CETN3: variants seen among roughly 807,000 people sequenced by gnomAD.
The protein encoded by CETN3 is centrin 3.
A neutral mutation model predicts 20.1 loss-of-function variants in CETN3; 17 were observed. The observed-to-expected ratio is 0.85, with a 90% confidence interval of 0.58 to 1.27. The LOEUF is 1.27. CETN3 is among the 50% of genes most tolerant of loss of function. CETN3 has a pLI of 0.00. For synonymous variants in CETN3, 52 were observed against 59.7 expected (o/e 0.87, Z 0.59); for missense variants, 169 against 191.2 (o/e 0.88, Z 0.69).
chr5:90,407,837 A>G lies in CETN3; in HGVS notation c.18-3T>C, dbSNP rs1329267178. The G allele has an allele frequency of 1.2e-5, 19 of 1,567,014 alleles. No individual in the cohort carries two copies. The highest frequency in any genetic ancestry group is 2.0e-5 in the Admixed American group (1 of 50,998). On this transcript the variant is annotated splice_region_variant and splice_polypyrimidine_tract_variant and intron_variant, in intron 1 of 4. Transcript: ENST00000283122. ...TTTTGTCCACTACAAGCTCACTTCT[A>G]TGAAATGGAAAGAAAAAGCCCTTAG...
intron 4 of CETN3, among the ~76,000 whole-genome samples, chr5:90,396,856 C>T (rs1212774309): frequency 6.6e-6 from 1 of 151,930 alleles, no homozygotes; most frequent in Non-Finnish European, 1.5e-5. Context: ...CCTTCTGTAA[C>T]CACAGGTTCC....
chr5:90,405,356 CA>C (rs1749407236), intron 3 of CETN3: 4 of 304,108 alleles, frequency 1.3e-5, no homozygotes, highest in Non-Finnish European at 2.4e-5. Flanking sequence ...TTTTATTAAG[CA>C]AAAATAATTT....
chr5:90,396,480 A>G, intron 4 of CETN3: 3 of 1,529,836 alleles, frequency 2.0e-6, no homozygotes, highest in Non-Finnish European at 2.6e-6. Flanking sequence ...TAATCAGTTT[A>G]GCCAGTGTGC....
At chr5:90,404,948 G>C (rs1749396031) in intron 3 of CETN3, among the ~76,000 whole-genome samples, 1 of 151,330 alleles carries the variant, frequency 6.6e-6, no homozygotes, top group South Asian at 2.1e-4. Flanking sequence ...AGTTATAATA[G>C]CAACATCCTT....
intron 3 of CETN3, among the ~76,000 whole-genome samples, chr5:90,403,412 T>A (rs916743836): frequency 5.3e-5 from 8 of 152,334 alleles, no homozygotes; most frequent in Middle Eastern, 3.4e-3. Flanking sequence ...AGATACATGT[T>A]GACCCTGTCA....
At chr5:90,396,489 G>A (rs184811493) in intron 4 of CETN3, 12 of 1,530,254 alleles carry the variant, frequency 7.8e-6, no homozygotes, top group Middle Eastern at 3.4e-4. Context: ...TAGCCAGTGT[G>A]CACCTTCACT....
At chr5:90,397,245 T>C (rs1749156068) in intron 4 of CETN3, among the ~76,000 whole-genome samples, 1 of 152,118 alleles carries the variant, frequency 6.6e-6, no homozygotes, top group Non-Finnish European at 1.5e-5. Context: ...TTAATTGTCT[T>C]GTAGACAATT....
chr5:90,398,968 C>T (rs1261162494), intron 4 of CETN3: 2 of 315,644 alleles, frequency 6.3e-6, no homozygotes, highest in Non-Finnish European at 1.2e-5. Flanking sequence ...GCCATTATAA[C>T]ATTCCTAACT....
In CETN3 at chr5:90,396,146, G is replaced by C. The variant is rs1042799104; in HGVS notation, c.461-2039C>G. 31 of 983,090 alleles carry C rather than the reference G, an allele frequency of 3.2e-5. No homozygotes were observed. The African/African-American group carries it at 5.2e-4, about 17-fold the overall frequency. 60.9% of individuals were successfully genotyped at this position (983,090 alleles called of 1,614,324 possible). On this transcript the variant is annotated intron_variant, in intron 4 of 4. Coordinates refer to ENST00000283122, the MANE Select transcript of CETN3 (RefSeq NM_004365.4). ...AGGAAGTAGAAAGAGAGCTGGGGTGGGAGAATACCATCAGAAATACAGTCA... is the reference window on the plus strand; with the variant it reads ...AGGAAGTAGAAAGAGAGCTGGGGTGCGAGAATACCATCAGAAATACAGTCA...
At chr5:90,396,581 A>G in intron 4 of CETN3, 4 of 1,503,358 alleles carry the variant, frequency 2.7e-6, no homozygotes, top group Non-Finnish European at 2.7e-6. Flanking sequence ...TAAGAGAAAA[A>G]ACATAAAACA....
At position 90,405,740 on chromosome 5, in the gene CETN3, T is replaced by G. The variant is rs1173061980; in HGVS notation, c.213A>C (p.Lys71Asn). ...TCCCTGTGGCTTCTCTGTCATAATC[T>G]TTAAGAATCTTCAGTACATCAGCTT... Reference protein sequence around the residue: ...VKKADVLKILKDYDREATGKI... With the variant: ...VKKADVLKILNDYDREATGKI... The change falls in exon 3 of 5, where the codon AAA (lysine) becomes AAC (asparagine). Residue 71 changes from lysine to asparagine, a missense_variant. Physicochemically the swap from Lys to Asn is moderately conservative, Grantham distance 94. Coordinates refer to ENST00000283122, the MANE Select transcript of CETN3 (RefSeq NM_004365.4). 1 of 1,613,054 alleles carries G rather than the reference T, an allele frequency of 6.2e-7. No individual in the cohort carries two copies. The highest frequency in any genetic ancestry group is 1.7e-5 in the Admixed American group (1 of 59,944).
intron 4 of CETN3, among the ~76,000 whole-genome samples, chr5:90,394,988 A>G (rs1477735205): frequency 5.3e-5 from 8 of 152,212 alleles, no homozygotes; most frequent in African/African-American, 1.4e-4. Flanking sequence ...ACATACCTAA[A>G]CAATGCATAA....
rs747444473 is a variant in CETN3, at chr5:90,399,405, T to C, written c.413A>G (p.Glu138Gly). The change falls in exon 4 of 5, where the codon GAA becomes GGA. Residue 138 changes from glutamate to glycine, a missense_variant. Transcript: ENST00000283122. ...AAATTCTTCTATCATAGCTCGAAGT[T>C]CTTCATCACTCATGTTTTCACCCAA... ...RELGENMSDE[E>G]LRAMIEEFDK... The C allele has an allele frequency of 6.2e-7, 1 of 1,614,046 alleles. No individual in the cohort carries two copies. Among genetic ancestry groups the C allele is most frequent in the East Asian group, 2.2e-5 (1 of 44,854 alleles).
chr5:90,396,466 T>G, intron 4 of CETN3: 1 of 1,525,110 alleles, frequency 6.6e-7, no homozygotes, highest in African/African-American at 1.4e-5. Flanking sequence ...ATATATAAAA[T>G]TATTAATCAG....
At position 90,403,875 on chromosome 5, in the gene CETN3, GAA is replaced by G. The variant is rs60385437; in HGVS notation, c.268+1808_268+1809del. ...GACAGAGCGAGACTCTGTCTCAAAA[GAA>G]AAAAAAAAAAAAAAAAAAAAAAATC... On this transcript the variant is annotated intron_variant, in intron 3 of 4. Coordinates refer to ENST00000283122, the MANE Select transcript of CETN3 (RefSeq NM_004365.4). Among the ~76,000 whole-genome samples the G allele has an allele frequency of 4.4e-3, 379 of 86,708 alleles. 4 individuals are homozygous for G. The highest frequency in any genetic ancestry group is 0.023 in the East Asian group (65 of 2,812). 56.9% of individuals were successfully genotyped at this position (86,708 alleles called of 152,430 possible).
intron 4 of CETN3, chr5:90,396,560 A>T: frequency 6.5e-7 from 1 of 1,531,744 alleles, no homozygotes; most frequent in Admixed American, 2.0e-5. Context: ...GTATGTTCTT[A>T]AGAACTGTAT....
intron 3 of CETN3, among the ~76,000 whole-genome samples, chr5:90,405,216 C>T (rs578253266): frequency 2.6e-5 from 4 of 152,216 alleles, no homozygotes; most frequent in African/African-American, 9.6e-5. Flanking sequence ...AACCTGAAGT[C>T]GTGCATTTCA....
At chr5:90,404,262 A>G (rs767148351) in intron 3 of CETN3, among the ~76,000 whole-genome samples, 1 of 152,202 alleles carries the variant, frequency 6.6e-6, no homozygotes, top group Admixed American at 6.5e-5. Context: ...CCAGAGCTGT[A>G]AAGTGGCAAA....
chr5:90,393,424 G>A lies in CETN3; in HGVS notation c.*640C>T, dbSNP rs1461039653. ...CATACTTACAATGATACCAAGTTAA[G>A]AAACATAATACACAAGGATAAATGG... On this transcript the variant is annotated 3_prime_UTR_variant, in exon 5 of 5. Transcript: ENST00000283122. 2 of 152,072 alleles carry A rather than the reference G, an allele frequency of 1.3e-5. No individual in the cohort carries two copies. The highest frequency in any genetic ancestry group is 4.8e-5 in the African/African-American group (2 of 41,416). 9.4% of individuals were successfully genotyped at this position (152,072 alleles called of 1,614,324 possible).
Sources: allele counts gnomAD v4.1 joint callset (sites outside exome capture counted in the v4.1 genomes callset), GRCh38; gene constraint gnomAD v4.1.1; transcripts MANE v1.5; gene names NCBI Gene and HGNC (gene_info 2026-07-23, HGNC 2026-07-21).